PRRC2C: variants seen among roughly 807,000 people sequenced by gnomAD.
PRRC2C encodes the protein protein PRRC2C.
In PRRC2C, 72 loss-of-function variants were observed where a neutral mutation model predicts 317.2. The observed-to-expected ratio is 0.23, with a 90% CI of 0.19 to 0.28. The LOEUF is 0.28. Among genes scored for constraint, PRRC2C ranks in the 10% least tolerant of loss-of-function variants. The probability of loss-of-function intolerance (pLI) is 1.00; values close to 1 mark genes in which losing one functional copy is unlikely to be tolerated. For missense variants in PRRC2C, 3,074 were observed against 3,459.7 expected, an observed-to-expected ratio of 0.89 and a Z score of 2.80; for synonymous variants, 1,296 against 1,205.9, an observed-to-expected ratio of 1.07 and a Z score of -1.55.
chr1:171,498,851 T>A (rs1668579719), intron 1 of PRRC2C, among the ~76,000 whole-genome samples: 1 of 152,184 alleles, frequency 6.6e-6, no homozygotes, highest in African/African-American at 2.4e-5. Context: ...CTTGCTTTGT[T>A]GCCCAGCAGT....
intron 6 of PRRC2C, among the ~76,000 whole-genome samples, chr1:171,521,539 T>C (rs185276129): frequency 6.6e-6 from 1 of 152,296 alleles, no homozygotes; most frequent in East Asian, 1.9e-4. Flanking sequence ...TAGCTCTCTG[T>C]CCCCCTTTTC....
intron 1 of PRRC2C, among the ~76,000 whole-genome samples, chr1:171,504,444 G>GT (rs1351017987): frequency 1.3e-5 from 2 of 152,130 alleles, no homozygotes; most frequent in Non-Finnish European, 2.9e-5. Flanking sequence ...TTTGAGTTGA[G>GT]TTTCATATAT....
Position 171,579,915 on chromosome 1 carries a change from G to A in PRRC2C, c.7360G>A (p.Ala2454Thr). Residue 2454 changes from alanine to threonine, a missense_variant, in exon 28 of 35, where the codon GCT (alanine) becomes ACT (threonine). Physicochemically the swap from Ala to Thr is moderately conservative, Grantham distance 58. Coordinates refer to ENST00000647382, the MANE Select transcript of PRRC2C (RefSeq NM_001387844.1). ...QAQLSLGAGP[A>T]VSQAQELFSS... ...CCAACTGAGTTTGGGGGCTGGCCCT[G>A]CTGTTTCCCAGGCTCAGGAATTGTT... 4.4e-6 allele frequency: 7 copies of A among 1,596,162 alleles called. No homozygotes were observed. Among genetic ancestry groups the A allele is most frequent in the Non-Finnish European group, 6.0e-6 (7 of 1,173,216 alleles).
intron 30 of PRRC2C, 35 bp from the exon 31 acceptor site, chr1:171,586,968 C>CAACAGT (rs1650186197): frequency 6.8e-7 from 1 of 1,467,680 alleles, no homozygotes; most frequent in Non-Finnish European, 9.4e-7. Flanking sequence ...TAAACAGAAA[C>CAACAGT]AAATTGCTTC....
chr1:171,496,416 T>G lies in PRRC2C; in HGVS notation c.-58+10681T>G, dbSNP rs201850847. 8.5e-5 allele frequency among the ~76,000 whole-genome samples: 13 copies of G among 152,136 alleles called. No homozygotes were observed. The East Asian group carries it at 1.7e-3, about 20-fold the overall frequency. ...TGGTATTTTGCCATGTTGGCCAGGCTGGTCTGGAAGTCCTGACCTCAAGTG... is the reference window on the plus strand; with the variant it reads ...TGGTATTTTGCCATGTTGGCCAGGCGGGTCTGGAAGTCCTGACCTCAAGTG... On this transcript the variant is annotated intron_variant, in intron 1 of 34. Transcript: ENST00000647382.
chr1:171,564,440 A>G (rs1369740641), intron 20 of PRRC2C, among the ~76,000 whole-genome samples: 3 of 152,228 alleles, frequency 2.0e-5, no homozygotes, highest in Non-Finnish European at 4.4e-5. Flanking sequence ...TTCACAGTCT[A>G]CTTACTGCAT....
chr1:171,574,440 C>T (rs1387832), intron 24 of PRRC2C, among the ~76,000 whole-genome samples: 19,189 of 152,124 alleles, frequency 0.13, 1,601 homozygotes, highest in South Asian at 0.36. Context: ...GTCATAAATG[C>T]AAATGGTTAC....
chr1:171,508,323 C>G (rs1412772281), intron 1 of PRRC2C, among the ~76,000 whole-genome samples: 1 of 152,034 alleles, frequency 6.6e-6, no homozygotes, highest in Non-Finnish European at 1.5e-5. Flanking sequence ...TCCTCTGTAC[C>G]TGTTTTGTTG....
At chr1:171,515,265 G>A (rs906993552) in intron 4 of PRRC2C, among the ~76,000 whole-genome samples, 1 of 152,216 alleles carries the variant, frequency 6.6e-6, no homozygotes, top group African/African-American at 2.4e-5. Context: ...ATAGTGAGGT[G>A]TAATAATCTT....
Position 171,527,395 on chromosome 1 carries a change from A to T in PRRC2C, c.1201-396A>T, listed in dbSNP as rs1292274482. ...TGATCCGCCTGCCTCGGCCTCCCAA[A>T]GTGCTGGGATTACACGTGTGAATCA... On this transcript the variant is annotated intron_variant, in intron 10 of 34. Coordinates refer to ENST00000647382, the MANE Select transcript of PRRC2C (RefSeq NM_001387844.1). 2.0e-5 allele frequency among the ~76,000 whole-genome samples: 3 copies of T among 151,928 alleles called. No individual in the cohort carries two copies. The East Asian group carries it at 5.8e-4, about 30-fold the overall frequency.
chr1:171,542,998 G>C (rs1486289442), intron 16 of PRRC2C, among the ~76,000 whole-genome samples: 1 of 150,506 alleles, frequency 6.6e-6, no homozygotes, highest in Non-Finnish European at 1.5e-5. Flanking sequence ...CTGACCTCGT[G>C]ATCCACCCGC....
At chr1:171,516,235 T>A (rs4916231) in intron 5 of PRRC2C, among the ~76,000 whole-genome samples, 96,883 of 152,158 alleles carry the variant, frequency 0.64, 30,941 homozygotes, top group East Asian at 0.82. Flanking sequence ...CTTTCTGAGC[T>A]CAAACTGAGG....
chr1:171,557,756 G>A lies in PRRC2C; in HGVS notation c.5644G>A (p.Ala1882Thr). 1.3e-6 allele frequency: 2 copies of A among 1,550,634 alleles called. No homozygotes were observed. The highest frequency in any genetic ancestry group is 8.7e-7 in the Non-Finnish European group (1 of 1,146,548). ...STSAPTPAPAASSPAAPVITA... is the reference protein window; with the variant it reads ...STSAPTPAPATSSPAAPVITA... Reference sequence around the variant, plus strand: ...TTCAGCTCCAACGCCAGCCCCAGCAGCCTCTTCCCCAGCTGCCCCAGTCAT... The same window carrying A: ...TTCAGCTCCAACGCCAGCCCCAGCAACCTCTTCCCCAGCTGCCCCAGTCAT... The change falls in exon 19 of 35, where the codon GCC (alanine) becomes ACC (threonine). Residue 1882 changes from alanine (A) to threonine (T), a missense_variant. By Grantham distance (58) the Ala-to-Thr change is moderately conservative (BLOSUM62 0). This residue lies in a region of PRRC2C where 640 missense variants were observed against 676.1 expected (regional missense o/e 0.95). Transcript: ENST00000647382.
intron 1 of PRRC2C, among the ~76,000 whole-genome samples, chr1:171,506,957 A>G (rs990991697): frequency 1.3e-5 from 2 of 152,304 alleles, no homozygotes; most frequent in South Asian, 4.1e-4. Context: ...AATAACTTCT[A>G]ACATTTTTGT....
At position 171,591,747 on chromosome 1, in the gene PRRC2C, T is replaced by G; in HGVS notation, c.8597T>G (p.Val2866Gly). The G allele has an allele frequency of 6.2e-7, 1 of 1,613,220 alleles. No homozygotes were observed. Among genetic ancestry groups the G allele is most frequent in the Admixed American group, 1.7e-5 (1 of 59,918 alleles). ...CCTCCTGGGGTCTGTCAGGAAAAAGTAGAAGAAAAGCCACCCCCTGCACCC... is the reference window on the plus strand; with the variant it reads ...CCTCCTGGGGTCTGTCAGGAAAAAGGAGAAGAAAAGCCACCCCCTGCACCC... ...TDPPGVCQEK[V>G]EEKPPPAPSI... The change falls in exon 35 of 35, where the codon GTA becomes GGA. Residue 2866 changes from valine to glycine, a missense_variant. Physicochemically the swap from Val to Gly is moderately radical, Grantham distance 109. Around this residue, in one of 11 missense-constraint regions of PRRC2C, gnomAD observed 78 missense variants for 97.7 expected, o/e 0.80. Transcript: ENST00000647382.
intron 6 of PRRC2C, among the ~76,000 whole-genome samples, chr1:171,521,860 A>G (rs1335492114): frequency 3.9e-5 from 6 of 152,226 alleles, no homozygotes; most frequent in Non-Finnish European, 7.3e-5. Context: ...TTTACATTAC[A>G]TATCTCATTG....
intron 20 of PRRC2C, 92 bp downstream of exon 20, chr1:171,561,195 C>T (rs918915626): frequency 1.7e-5 from 21 of 1,241,692 alleles, no homozygotes; most frequent in East Asian, 1.2e-4. Flanking sequence ...GTAATCCTAG[C>T]GTGGTGGGAG....
intron 1 of PRRC2C, among the ~76,000 whole-genome samples, chr1:171,502,104 G>T (rs1353759044): frequency 1.3e-5 from 2 of 152,154 alleles, no homozygotes; most frequent in East Asian, 3.9e-4. Context: ...GTGGCATTTA[G>T]AATAAACTCA....
chr1:171,583,347 C>T (rs1306772452), intron 28 of PRRC2C, among the ~76,000 whole-genome samples: 1 of 117,064 alleles, frequency 8.5e-6, no homozygotes, highest in Non-Finnish European at 1.7e-5. Flanking sequence ...TTGTTAAAAA[C>T]TAAGATGCAA....
Sources: allele counts gnomAD v4.1 joint callset (sites outside exome capture counted in the v4.1 genomes callset), GRCh38; gene constraint gnomAD v4.1.1; regional missense constraint gnomAD v4.1.1; transcripts MANE v1.5; gene names NCBI Gene and HGNC (gene_info 2026-07-23, HGNC 2026-07-21).